RARB: variants seen among roughly 807,000 people sequenced by gnomAD.
RARB encodes HBV-activated protein.
Under a neutral mutation model 51.9 loss-of-function variants are expected in RARB, and 17 were observed. The observed-to-expected ratio is 0.33, with a 90% confidence interval of 0.22 to 0.49. The LOEUF (loss-of-function observed/expected upper bound fraction) is 0.49. Ranked by LOEUF, RARB falls within the 20% of genes least tolerant of loss-of-function variation. The probability of loss-of-function intolerance (pLI) is 0.99; values close to 1 mark genes in which losing one functional copy is unlikely to be tolerated. For synonymous variants in RARB, 215 were observed against 195.4 expected (o/e 1.10, Z -0.84); for missense variants, 369 against 550.8 (o/e 0.67, Z 3.30).
chr3:24,934,144 T>A (rs1575078956), intron 2 of RARB, among the ~76,000 whole-genome samples: 1 of 152,146 alleles, frequency 6.6e-6, no homozygotes, highest in East Asian at 1.9e-4. Flanking sequence ...GTGTTCATCA[T>A]GACTTGTGAA....
At chr3:25,324,705 G>A (rs540659513) in intron 5 of RARB, 3 of 155,344 alleles carry the variant, frequency 1.9e-5, no homozygotes, top group African/African-American at 7.2e-5. Context: ...CCTGCCCACA[G>A]GGATTCCATG....
At chr3:25,298,504 C>G (rs1199195778) in intron 5 of RARB, among the ~76,000 whole-genome samples, 3 of 152,152 alleles carry the variant, frequency 2.0e-5, no homozygotes, top group Admixed American at 2.0e-4. Flanking sequence ...TGCCGACATT[C>G]CTTTAATTCA....
chr3:25,493,695 A>G (rs1696862736), intron 2 of RARB, among the ~76,000 whole-genome samples: 1 of 152,218 alleles, frequency 6.6e-6, no homozygotes, highest in Non-Finnish European at 1.5e-5. Context: ...TAACTCTGCA[A>G]CAGCCCAGTT....
chr3:25,079,103 A>T (rs1698937047), intron 3 of RARB, among the ~76,000 whole-genome samples: 1 of 151,858 alleles, frequency 6.6e-6, no homozygotes, highest in Admixed American at 6.6e-5. Flanking sequence ...TGACGCTTAC[A>T]CATATTCTAT....
intron 3 of RARB, among the ~76,000 whole-genome samples, chr3:25,524,492 A>G (rs1006573993): frequency 6.6e-6 from 1 of 152,184 alleles, no homozygotes; most frequent in African/African-American, 2.4e-5. Context: ...TCTTGGTAGA[A>G]TAAAGATGAA....
intron 2 of RARB, among the ~76,000 whole-genome samples, chr3:24,961,641 A>C (rs931723801): frequency 6.6e-6 from 1 of 152,154 alleles, no homozygotes; most frequent in Non-Finnish European, 1.5e-5. Context: ...CGGGGCATGG[A>C]GTTCTGACGG....
intron 2 of RARB, among the ~76,000 whole-genome samples, chr3:25,020,647 T>G (rs1434119588): frequency 6.6e-6 from 1 of 152,160 alleles, no homozygotes; most frequent in Non-Finnish European, 1.5e-5. Context: ...GGTGTTTGAT[T>G]TCATTGCATA....
chr3:24,850,125 T>C (rs968221439), intron 1 of RARB, among the ~76,000 whole-genome samples: 1 of 152,228 alleles, frequency 6.6e-6, no homozygotes, highest in South Asian at 2.1e-4. Context: ...TGCAAGCCCT[T>C]TTTCTAGCAG....
intron 5 of RARB, chr3:25,259,823 A>G: frequency 1.3e-6 from 1 of 789,466 alleles, no homozygotes; most frequent in Non-Finnish European, 1.5e-6. Context: ...TCCTCAGTAA[A>G]GTCAGAGCTC....
chr3:25,548,638 C>A lies in RARB; in HGVS notation c.449-21120C>A, dbSNP rs535428864. Among the ~76,000 whole-genome samples, 31 of 124,074 alleles carry A rather than the reference C, an allele frequency of 2.5e-4. 1 individual carries two copies. In the East Asian group the frequency reaches 7.6e-3, roughly 30 times the overall value. The allele number at this position is 124,074 out of a possible 152,430, so 81.4% of individuals were successfully genotyped here. A position where few individuals can be genotyped will look rare whatever the true frequency, so the allele number is the denominator to read the frequency against. On this transcript the variant is annotated intron_variant, in intron 3 of 7. Coordinates refer to ENST00000330688, the MANE Select transcript of RARB (RefSeq NM_000965.5). ...ACTTTGCCAGAAAACTTGACCTCCC[C>A]CGACAAAAAAAAAAAAAAAAAAAAC... is the stretch of plus-strand genomic sequence containing the variant.
At chr3:25,344,077 A>G (rs1705314389) in intron 5 of RARB, among the ~76,000 whole-genome samples, 2 of 152,322 alleles carry the variant, frequency 1.3e-5, no homozygotes, top group East Asian at 3.9e-4. Context: ...GAGCCTGGCA[A>G]TGTACTCCAG....
At chr3:24,981,814 G>A (rs986267705) in intron 2 of RARB, among the ~76,000 whole-genome samples, 4 of 152,068 alleles carry the variant, frequency 2.6e-5, no homozygotes, top group East Asian at 3.9e-4. Flanking sequence ...CAGTCCCCAC[G>A]AGACAAACCA....
chr3:24,976,456 G>T (rs13099127), intron 2 of RARB, among the ~76,000 whole-genome samples: 1 of 151,978 alleles, frequency 6.6e-6, no homozygotes, highest in African/African-American at 2.4e-5. Flanking sequence ...TTTAATGATT[G>T]CCATTCTAAC....
intron 4 of RARB, among the ~76,000 whole-genome samples, chr3:25,172,282 T>C (rs1700660657): frequency 6.6e-6 from 1 of 152,296 alleles, no homozygotes; most frequent in Non-Finnish European, 1.5e-5. Context: ...GTTCAAAATA[T>C]ATAAGCTTAG....
chr3:25,075,782 G>C (rs1019553633), intron 3 of RARB, among the ~76,000 whole-genome samples: 3 of 152,126 alleles, frequency 2.0e-5, no homozygotes, highest in Non-Finnish European at 4.4e-5. Context: ...GCAGAGAAGA[G>C]AAAGTATGGA....
rs141834136 is a variant in RARB at position 25,363,907 on chromosome 3, G to A, written c.179-97286G>A. ...TTACATGACAGTAGACTCCCATCTC[G>A]GGTCCCTGGCACTGGCTCAAATGTT... is the stretch of plus-strand genomic sequence containing the variant. On this transcript the variant is annotated intron_variant, in intron 5 of 11. Transcript: ENST00000383772. 4.6e-5 allele frequency among the ~76,000 whole-genome samples: 7 copies of A among 152,062 alleles called. No individual in the cohort carries two copies. The East Asian group carries it at 5.8e-4, about 13-fold the overall frequency.
intron 2 of RARB, among the ~76,000 whole-genome samples, chr3:24,909,998 T>G (rs1337563164): frequency 6.6e-6 from 1 of 152,224 alleles, no homozygotes; most frequent in Non-Finnish European, 1.5e-5. Flanking sequence ...TGCTTTTAAT[T>G]GTTCTAGCCA....
intron 2 of RARB, among the ~76,000 whole-genome samples, chr3:24,897,752 CT>C (rs11280403): frequency 3.8e-4 from 55 of 145,108 alleles, no homozygotes; most frequent in Middle Eastern, 3.6e-3. Context: ...TGCTCTGAGG[CT>C]TTTTTTTTTT....
intron 5 of RARB, among the ~76,000 whole-genome samples, chr3:25,337,494 C>A (rs1705097960): frequency 1.3e-5 from 2 of 152,172 alleles, no homozygotes; most frequent in African/African-American, 2.4e-5. Context: ...CACCCTCATT[C>A]ATTCTACTCA....
Sources: gnomAD v4.1 joint callset for allele counts (sites outside exome capture counted in the v4.1 genomes callset) on GRCh38, gnomAD v4.1.1 for gene constraint, MANE v1.5 for transcripts, NCBI Gene and HGNC (gene_info 2026-07-23, HGNC 2026-07-21) for gene names.